Variants in DLGAP2 observed in about 807,000 individuals in gnomAD.
DLGAP2 encodes the protein disks large-associated protein 2.
DLGAP2 carries 26 observed loss-of-function variants against 100.3 expected under a neutral mutation model. The ratio of observed to expected loss-of-function variants is 0.26; its 90% CI spans 0.19 to 0.36. The LOEUF (loss-of-function observed/expected upper bound fraction) is 0.36. Ranked by LOEUF, DLGAP2 falls within the 10% of genes least tolerant of loss-of-function variation. The probability of loss-of-function intolerance (pLI) is 1.00; values close to 1 mark genes in which losing one functional copy is unlikely to be tolerated. For missense variants in DLGAP2, 1,858 were observed against 1,453.2 expected (o/e 1.28, Z -4.53); for synonymous variants, 886 against 630.1 (o/e 1.41, Z -6.08).
chr8:1,205,633 C>T (rs1797973700), intron 2 of DLGAP2, among the ~76,000 whole-genome samples: 1 of 152,152 alleles, frequency 6.6e-6, no homozygotes, highest in African/African-American at 2.4e-5. Context: ...CCAGCCTCTG[C>T]TCAGCTCGCC....
intron 2 of DLGAP2, among the ~76,000 whole-genome samples, chr8:998,147 A>C (rs1800840061): frequency 6.6e-6 from 1 of 152,102 alleles, no homozygotes; most frequent in African/African-American, 2.4e-5. Context: ...ATGTGCATAC[A>C]CAACACACAT....
chr8:1,230,408 T>A (rs1233789872), intron 2 of DLGAP2, among the ~76,000 whole-genome samples: 1 of 152,134 alleles, frequency 6.6e-6, no homozygotes, highest in Non-Finnish European at 1.5e-5. Context: ...ACTGGAGGAA[T>A]CAATATTGTT....
chr8:1,191,303 TG>T (rs1167122751), intron 2 of DLGAP2, among the ~76,000 whole-genome samples: 1 of 151,524 alleles, frequency 6.6e-6, no homozygotes, highest in African/African-American at 2.4e-5. Context: ...CCCGAGTAGC[TG>T]GGACTACAGG....
intron 2 of DLGAP2, among the ~76,000 whole-genome samples, chr8:1,133,546 ATT>A (rs1796341490): frequency 6.6e-6 from 1 of 152,208 alleles, no homozygotes; most frequent in African/African-American, 2.4e-5. Flanking sequence ...AACTGTGACT[ATT>A]TTGACCAAAT....
chr8:854,235 A>G (rs1050698370), intron 1 of DLGAP2, among the ~76,000 whole-genome samples: 3 of 152,186 alleles, frequency 2.0e-5, no homozygotes, highest in African/African-American at 7.2e-5. Flanking sequence ...TGAGGGGGAC[A>G]GCGCATTGCG....
intron 2 of DLGAP2, among the ~76,000 whole-genome samples, chr8:1,078,429 G>A (rs1226698366): frequency 2.0e-5 from 3 of 152,174 alleles, no homozygotes; most frequent in Admixed American, 6.5e-5. Flanking sequence ...GAAGCCCACA[G>A]CTTATATCAC....
At chr8:912,515 C>T (rs1798505824) in intron 2 of DLGAP2, among the ~76,000 whole-genome samples, 1 of 152,166 alleles carries the variant, frequency 6.6e-6, no homozygotes, top group Non-Finnish European at 1.5e-5. Context: ...TTCTGTGGTC[C>T]AGTTTCAAGC....
intron 3 of DLGAP2, among the ~76,000 whole-genome samples, chr8:1,377,325 A>T (rs1795972627): frequency 6.6e-6 from 1 of 152,220 alleles, no homozygotes; most frequent in African/African-American, 2.4e-5. Flanking sequence ...CGGGCGAATC[A>T]CGAAGTCAGG....
intron 2 of DLGAP2, among the ~76,000 whole-genome samples, chr8:1,081,297 A>G (rs1228021426): frequency 6.6e-6 from 1 of 152,208 alleles, no homozygotes; most frequent in Non-Finnish European, 1.5e-5. Flanking sequence ...ATTCTTAGCT[A>G]TTACTATTTG....
chr8:1,359,577 G>A (rs1801932587), intron 3 of DLGAP2, among the ~76,000 whole-genome samples: 1 of 152,238 alleles, frequency 6.6e-6, no homozygotes, highest in African/African-American at 2.4e-5. Flanking sequence ...AGGCCGCTCA[G>A]CGGGAGTGTG....
intron 2 of DLGAP2, among the ~76,000 whole-genome samples, chr8:923,976 A>C (rs148143091): frequency 1.5e-4 from 23 of 152,348 alleles, no homozygotes; most frequent in Middle Eastern, 3.4e-3. Flanking sequence ...AATGTTCTTA[A>C]GTTAAATCAA....
intron 2 of DLGAP2, among the ~76,000 whole-genome samples, chr8:1,023,336 CCT>C (rs1176844976): frequency 2.0e-5 from 3 of 152,112 alleles, no homozygotes; most frequent in Admixed American, 6.5e-5. Context: ...TGTCTTCGCT[CCT>C]CTCTCTGTAG....
intron 2 of DLGAP2, among the ~76,000 whole-genome samples, chr8:909,631 C>T (rs901255153): frequency 6.6e-6 from 1 of 152,144 alleles, no homozygotes; most frequent in Non-Finnish European, 1.5e-5. Context: ...ATTAGCCGGG[C>T]AATTTCCTCA....
intron 2 of DLGAP2, among the ~76,000 whole-genome samples, chr8:1,188,581 A>C (rs1797566921): frequency 6.6e-6 from 1 of 151,830 alleles, no homozygotes; most frequent in Non-Finnish European, 1.5e-5. Flanking sequence ...TCCCTCACGG[A>C]ATCTCACACA....
intron 2 of DLGAP2, among the ~76,000 whole-genome samples, chr8:1,048,844 G>A (rs1384853024): frequency 6.6e-6 from 1 of 151,834 alleles, no homozygotes; most frequent in Non-Finnish European, 1.5e-5. Context: ...ATATTCTCCT[G>A]GTACACTCTG....
At chr8:1,172,491 T>G (rs1358963058) in intron 2 of DLGAP2, among the ~76,000 whole-genome samples, 1 of 152,208 alleles carries the variant, frequency 6.6e-6, no homozygotes, top group Non-Finnish European at 1.5e-5. Flanking sequence ...TCCAACTTGG[T>G]TCTGTTCTCC....
chr8:959,472 A>G (rs769889230), intron 2 of DLGAP2, among the ~76,000 whole-genome samples: 2 of 152,194 alleles, frequency 1.3e-5, no homozygotes, highest in Non-Finnish European at 1.5e-5. Context: ...CTGGCTTAGA[A>G]TGTGGTCTTG....
intron 1 of DLGAP2, among the ~76,000 whole-genome samples, chr8:818,220 A>G (rs1796521183): frequency 6.6e-6 from 1 of 152,058 alleles, no homozygotes; most frequent in South Asian, 2.1e-4. Context: ...CAATGAAGTT[A>G]TATTCCCAGG....
intron 4 of DLGAP2, among the ~76,000 whole-genome samples, chr8:1,519,008 C>T (rs976202147): frequency 2.0e-5 from 3 of 152,114 alleles, no homozygotes; most frequent in African/African-American, 4.8e-5. Flanking sequence ...CAGCTAATTC[C>T]GAAATTTTGA....
Sources: allele counts gnomAD v4.1 joint callset (sites outside exome capture counted in the v4.1 genomes callset), GRCh38; gene constraint gnomAD v4.1.1; transcripts MANE v1.5; gene names NCBI Gene and HGNC (gene_info 2026-07-23, HGNC 2026-07-21).